The following CNTNAP5 variants were observed in gnomAD, a reference collection of about 807,000 sequenced individuals.
CNTNAP5 encodes contactin-associated protein-like 5.
CNTNAP5 carries 72 observed loss-of-function variants against 150.2 expected under a neutral mutation model. The observed-to-expected ratio is 0.48, with a 90% confidence interval of 0.40 to 0.58. The LOEUF (loss-of-function observed/expected upper bound fraction) is 0.58, where lower values mean the gene tolerates loss of function less well. Ranked by LOEUF, CNTNAP5 falls within the 20% of genes least tolerant of loss-of-function variation. The pLI is 0.00. For missense variants in CNTNAP5, 1,636 were observed against 1,626.2 expected (o/e 1.01, Z -0.10); for synonymous variants, 672 against 619.8 (o/e 1.08, Z -1.25).
At chr2:124,370,612 G>T (rs1489995070) in intron 3 of CNTNAP5, among the ~76,000 whole-genome samples, 1 of 152,080 alleles carries the variant, frequency 6.6e-6, no homozygotes, top group African/African-American at 2.4e-5. Flanking sequence ...GGTAAATTAG[G>T]GAAATAATGA....
intron 22 of CNTNAP5, among the ~76,000 whole-genome samples, chr2:124,904,896 A>G (rs1573701938): frequency 6.6e-6 from 1 of 151,752 alleles, no homozygotes; most frequent in Non-Finnish European, 1.5e-5. Context: ...GCATGAAACT[A>G]AAAAACCCTC....
chr2:124,504,887 T>C (rs577646895), intron 8 of CNTNAP5, among the ~76,000 whole-genome samples: 12 of 151,936 alleles, frequency 7.9e-5, no homozygotes, highest in African/African-American at 2.7e-4. Context: ...TTTTTATTTT[T>C]AGTAGAGATG....
At chr2:124,467,194 C>G (rs149575939) in intron 6 of CNTNAP5, among the ~76,000 whole-genome samples, 7 of 152,228 alleles carry the variant, frequency 4.6e-5, no homozygotes, top group Middle Eastern at 6.8e-3. Flanking sequence ...GTCAATAGTG[C>G]CCTTATGTGA....
intron 3 of CNTNAP5, among the ~76,000 whole-genome samples, chr2:124,388,403 G>C (rs1690989720): frequency 1.3e-5 from 2 of 152,168 alleles, no homozygotes; most frequent in East Asian, 1.9e-4. Flanking sequence ...GTTCTGCAGG[G>C]ATCTCTGAGT....
chr2:124,314,434 G>A (rs1048967198), intron 3 of CNTNAP5, among the ~76,000 whole-genome samples: 3 of 152,082 alleles, frequency 2.0e-5, no homozygotes, highest in Admixed American at 6.6e-5. Flanking sequence ...GGGAGCAGGC[G>A]CAACACAGAG....
intron 12 of CNTNAP5, among the ~76,000 whole-genome samples, chr2:124,629,050 A>T (rs1558711235): frequency 6.6e-6 from 1 of 152,222 alleles, no homozygotes; most frequent in Non-Finnish European, 1.5e-5. Context: ...GAACACCTAG[A>T]TTTATAAAAC....
At chr2:124,410,946 T>TG (rs1443286994) in intron 3 of CNTNAP5, among the ~76,000 whole-genome samples, 3 of 151,722 alleles carry the variant, frequency 2.0e-5, no homozygotes, top group African/African-American at 7.3e-5. Flanking sequence ...CAGGAGCTGG[T>TG]TTTTTGAAAG....
At chr2:124,687,647 G>A (rs948796649) in intron 13 of CNTNAP5, among the ~76,000 whole-genome samples, 10 of 151,954 alleles carry the variant, frequency 6.6e-5, no homozygotes, top group Admixed American at 4.6e-4. Context: ...TGGAAACTAT[G>A]GAGAAACTTG....
At chr2:124,433,420 G>T (rs1414233135) in intron 4 of CNTNAP5, among the ~76,000 whole-genome samples, 1 of 152,108 alleles carries the variant, frequency 6.6e-6, no homozygotes, top group African/African-American at 2.4e-5. Context: ...TTTCATTTCA[G>T]ATCCTCAGAT....
At chr2:124,728,358 T>C (rs1425441292) in intron 13 of CNTNAP5, among the ~76,000 whole-genome samples, 2 of 152,038 alleles carry the variant, frequency 1.3e-5, no homozygotes, top group Non-Finnish European at 2.9e-5. Flanking sequence ...TGAGAAGGAT[T>C]GACACTAGTT....
intron 1 of CNTNAP5, among the ~76,000 whole-genome samples, chr2:124,199,541 G>C (rs529926069): frequency 3.3e-5 from 5 of 149,284 alleles, no homozygotes; most frequent in Admixed American, 2.7e-4. Flanking sequence ...TCAGCCTCCC[G>C]AGTAGCTGGG....
chr2:124,110,385 C>T (rs1683267741), intron 1 of CNTNAP5, among the ~76,000 whole-genome samples: 1 of 151,972 alleles, frequency 6.6e-6, no homozygotes, highest in Non-Finnish European at 1.5e-5. Flanking sequence ...GGCTGTTTGG[C>T]CCTGGAAGGG....
intron 10 of CNTNAP5, among the ~76,000 whole-genome samples, chr2:124,527,831 C>A (rs529462732): frequency 1.4e-4 from 22 of 152,164 alleles, no homozygotes; most frequent in Admixed American, 5.9e-4. Flanking sequence ...CTTTCTAACA[C>A]AGGCAGATGA....
chr2:124,424,985 A>T (rs1692205729), intron 4 of CNTNAP5, among the ~76,000 whole-genome samples: 1 of 152,196 alleles, frequency 6.6e-6, no homozygotes, highest in Admixed American at 6.5e-5. Flanking sequence ...TGTGACCCAT[A>T]TGCTAATGGC....
chr2:124,209,658 G>A (rs1244710647), intron 1 of CNTNAP5, among the ~76,000 whole-genome samples: 1 of 152,118 alleles, frequency 6.6e-6, no homozygotes, highest in African/African-American at 2.4e-5. Flanking sequence ...GCAATTCTCT[G>A]TGGTCATCAC....
At chr2:124,286,889 G>T (rs1688167294) in intron 3 of CNTNAP5, among the ~76,000 whole-genome samples, 1 of 152,106 alleles carries the variant, frequency 6.6e-6, no homozygotes, top group Non-Finnish European at 1.5e-5. Context: ...AGAATAGGGG[G>T]TGGCATGTAA....
chr2:124,834,910 T>A (rs1330198730), intron 19 of CNTNAP5, among the ~76,000 whole-genome samples: 1 of 151,800 alleles, frequency 6.6e-6, no homozygotes, highest in South Asian at 2.1e-4. Context: ...TTTCATTTTG[T>A]ATCCAGTTCT....
At chr2:124,795,921 C>T (rs1038285099) in intron 18 of CNTNAP5, among the ~76,000 whole-genome samples, 5 of 152,084 alleles carry the variant, frequency 3.3e-5, no homozygotes, top group African/African-American at 4.8e-5. Context: ...GATAGTGGCT[C>T]GGTGGCCTTG....
At chr2:124,112,501 A>G (rs889625571) in intron 1 of CNTNAP5, among the ~76,000 whole-genome samples, 1 of 152,204 alleles carries the variant, frequency 6.6e-6, no homozygotes, top group South Asian at 2.1e-4. Flanking sequence ...ACAGTTAGAC[A>G]TAGACTTCCT....
Sources: allele counts gnomAD v4.1 joint callset (sites outside exome capture counted in the v4.1 genomes callset), GRCh38; gene constraint gnomAD v4.1.1; transcripts MANE v1.5; gene names NCBI Gene and HGNC (gene_info 2026-07-23, HGNC 2026-07-21).